DACH2: variants seen among roughly 807,000 people sequenced by gnomAD.
DACH2 encodes the protein dachshund family transcription factor 2, also known as dachshund homolog 2.
A neutral mutation model predicts 35.8 loss-of-function variants in DACH2; 17 were observed. That is an observed-to-expected ratio of 0.48 (90% CI 0.33 to 0.71). The LOEUF is 0.71. Ranked by LOEUF, DACH2 falls within the 30% of genes least tolerant of loss-of-function variation. DACH2 has a pLI of 0.02. For missense variants in DACH2, 469 were observed against 472.7 expected (o/e 0.99, Z 0.07); for synonymous variants, 195 against 177.3 (o/e 1.10, Z -0.79).
At chrX:86,244,665 A>G (rs868046496) in intron 1 of DACH2, among the ~76,000 whole-genome samples, 2 of 112,010 alleles carry the variant, frequency 1.8e-5, no homozygotes, top group Middle Eastern at 9.2e-3. Context: ...TCTGTGTGAC[A>G]TGCAACTCAC....
chrX:86,243,286 T>C (rs985014934), intron 1 of DACH2, among the ~76,000 whole-genome samples: 1 of 111,481 alleles, frequency 9.0e-6, no homozygotes, highest in African/African-American at 3.3e-5. Context: ...GTGAATAAAA[T>C]TTTTTTGGAT....
intron 1 of DACH2, among the ~76,000 whole-genome samples, chrX:86,284,898 T>C (rs1333439118): frequency 8.9e-6 from 1 of 111,760 alleles, no homozygotes; most frequent in African/African-American, 3.2e-5. Context: ...AAGTTGTCCA[T>C]TTCTTCTAGA....
chrX:86,464,958 T>G (rs1031079170), intron 2 of DACH2, among the ~76,000 whole-genome samples: 1 of 112,211 alleles, frequency 8.9e-6, no homozygotes, highest in Non-Finnish European at 1.9e-5. Flanking sequence ...TGTTAGAATT[T>G]AGTTTGCGGT....
intron 3 of DACH2, among the ~76,000 whole-genome samples, chrX:86,525,228 T>G (rs1352090900): frequency 9.0e-6 from 1 of 111,495 alleles, no homozygotes; most frequent in Non-Finnish European, 1.9e-5. Context: ...AAAATTGAGG[T>G]TATGAATCTT....
chrX:86,817,793 A>G (rs975914904), intron 11 of DACH2, among the ~76,000 whole-genome samples: 2 of 111,598 alleles, frequency 1.8e-5, no homozygotes, highest in African/African-American at 6.5e-5. Context: ...AGGTAGATCC[A>G]CTCTTCGTTT....
chrX:86,257,707 C>T (rs1430584052), intron 1 of DACH2, among the ~76,000 whole-genome samples: 2 of 112,282 alleles, frequency 1.8e-5, no homozygotes, highest in African/African-American at 6.5e-5. Flanking sequence ...CACACCTGGC[C>T]TACAACTCTT....
intron 4 of DACH2, among the ~76,000 whole-genome samples, chrX:86,659,778 C>T (rs1438793751): frequency 2.7e-5 from 3 of 111,654 alleles, no homozygotes. Context: ...TTACAATGAA[C>T]GAATCTGAGA....
intron 3 of DACH2, among the ~76,000 whole-genome samples, chrX:86,610,670 A>G (rs2039932640): frequency 9.2e-6 from 1 of 108,275 alleles, no homozygotes; most frequent in African/African-American, 3.4e-5. Flanking sequence ...CTGGTCTTGA[A>G]CTCCTGAGCT....
intron 1 of DACH2, among the ~76,000 whole-genome samples, chrX:86,290,578 A>C (rs1442518712): frequency 1.3e-4 from 14 of 108,935 alleles, no homozygotes; most frequent in Non-Finnish European, 1.7e-4. Context: ...AGTCTTTAAT[A>C]CATCTTGAAT....
intron 3 of DACH2, among the ~76,000 whole-genome samples, chrX:86,547,911 A>G (rs1002162838): frequency 8.9e-6 from 1 of 112,225 alleles, no homozygotes. Flanking sequence ...CTCTGTGCTC[A>G]GTGGAGTGCA....
In DACH2 at chrX:86,658,446, C is replaced by T. The variant is rs754144776; in HGVS notation, c.772+7279C>T. Among the ~76,000 whole-genome samples the T allele has an allele frequency of 5.4e-5, 6 of 111,143 alleles. No individual in the cohort carries two copies. The East Asian group carries it at 1.1e-3, about 21-fold the overall frequency. On this transcript the variant is annotated intron_variant, in intron 4 of 11. Transcript: ENST00000373125. The stretch of plus-strand genomic sequence containing the variant: ...AGTTAGAATATTCTTATGCAAGAAC[C>T]GAATTTTCTCTTTGAAGGCAGACCT...
chrX:86,236,130 TC>T (rs1165279553), intron 1 of DACH2, among the ~76,000 whole-genome samples: 2 of 69,395 alleles, frequency 2.9e-5, no homozygotes, highest in Non-Finnish European at 5.0e-5. Context: ...AGGCTCCATC[TC>T]AAAAAAAAAA....
At chrX:86,212,099 T>C (rs111391646) in intron 1 of DACH2, among the ~76,000 whole-genome samples, 2,756 of 111,318 alleles carry the variant, frequency 0.025, 88 homozygotes, top group African/African-American at 0.085. Flanking sequence ...TCGAGTCAAC[T>C]GGGAGGTAGT....
At chrX:86,429,121 G>A (rs755524615) in intron 2 of DACH2, among the ~76,000 whole-genome samples, 11 of 110,811 alleles carry the variant, frequency 9.9e-5, no homozygotes, top group Non-Finnish European at 2.1e-4. Context: ...AGTGTATAAA[G>A]GGCAGCTTAG....
At chrX:86,156,899 T>A (rs942463584) in intron 1 of DACH2, among the ~76,000 whole-genome samples, 2 of 111,420 alleles carry the variant, frequency 1.8e-5, no homozygotes, top group African/African-American at 6.5e-5. Flanking sequence ...TTTTCCTGAA[T>A]AATCTTAAGG....
chrX:86,173,681 C>T (rs2031206161), intron 1 of DACH2, among the ~76,000 whole-genome samples: 1 of 111,835 alleles, frequency 8.9e-6, no homozygotes, highest in Admixed American at 9.5e-5. Context: ...GAGTTGGCCA[C>T]ATGGATCCTT....
At chrX:86,312,947 T>C (rs1449928311) in intron 1 of DACH2, among the ~76,000 whole-genome samples, 1 of 111,656 alleles carries the variant, frequency 9.0e-6, no homozygotes, top group African/African-American at 3.3e-5. Flanking sequence ...GTTCAACTGG[T>C]ACAAAGATAA....
chrX:86,777,475 G>C (rs368298276), intron 7 of DACH2, among the ~76,000 whole-genome samples: 2 of 111,373 alleles, frequency 1.8e-5, no homozygotes, highest in East Asian at 5.7e-4. Context: ...AAAATTTATT[G>C]GAAGACACAC....
chrX:86,526,567 T>G (rs1055810806), intron 3 of DACH2, among the ~76,000 whole-genome samples: 1 of 111,275 alleles, frequency 9.0e-6, no homozygotes, highest in Non-Finnish European at 1.9e-5. Flanking sequence ...AAAATGGTAG[T>G]TCTTAGTAAC....
Sources: allele counts gnomAD v4.1 joint callset (sites outside exome capture counted in the v4.1 genomes callset), GRCh38; gene constraint gnomAD v4.1.1; transcripts MANE v1.5; gene names NCBI Gene and HGNC (gene_info 2026-07-23, HGNC 2026-07-21).